Variants in INVS observed in about 807,000 individuals in gnomAD.
The protein encoded by INVS is inversion of embryo turning homolog.
INVS carries 86 observed loss-of-function variants against 108.8 expected under a neutral mutation model. The ratio of observed to expected loss-of-function variants is 0.79; its 90% CI spans 0.66 to 0.95. INVS has a LOEUF of 0.95. INVS is among the 40% of genes least tolerant of loss of function. The pLI is 0.00. For missense variants in INVS, 1,169 were observed against 1,297.4 expected, an observed-to-expected ratio of 0.90 and a Z score of 1.52; for synonymous variants, 455 against 473.5, an observed-to-expected ratio of 0.96 and a Z score of 0.51.
chr9:100,189,272 G>T (rs1208657621), intron 3 of INVS, among the ~76,000 whole-genome samples: 7 of 151,320 alleles, frequency 4.6e-5, no homozygotes, highest in African/African-American at 1.7e-4. Flanking sequence ...CTTTTCTTTT[G>T]CTAGTTTGGG....
At chr9:100,131,354 T>C (rs1441731065) in intron 3 of INVS, among the ~76,000 whole-genome samples, 1 of 152,224 alleles carries the variant, frequency 6.6e-6, no homozygotes, top group Non-Finnish European at 1.5e-5. Flanking sequence ...AAAAACTTAT[T>C]GAACTGTGCT....
Position 100,279,159 on chromosome 9 carries a change from T to C in INVS, c.1785-5161T>C, listed in dbSNP as rs149068526. ...ATACCCGTAAGAAATGGAAGCCGGA[T>C]TGAATAATGTGGATTTTAGATATTA... On this transcript the variant is annotated intron_variant, in intron 12 of 16. Transcript: ENST00000262457. Among the ~76,000 whole-genome samples the C allele has an allele frequency of 1.7e-3, 252 of 152,280 alleles. 1 individual carries two copies. Among genetic ancestry groups the C allele is most frequent in the African/African-American group, 5.9e-3 (246 of 41,552 alleles).
At chr9:100,132,053 A>C (rs1481675124) in intron 3 of INVS, 2 of 177,534 alleles carry the variant, frequency 1.1e-5, no homozygotes, top group African/African-American at 4.8e-5. Flanking sequence ...CCCTCAGTAC[A>C]TATATAGCTC....
At chr9:100,134,512 A>G (rs188137972) in intron 3 of INVS, among the ~76,000 whole-genome samples, 1 of 152,246 alleles carries the variant, frequency 6.6e-6, no homozygotes, top group Admixed American at 6.5e-5. Context: ...TCCTTAAGGA[A>G]TCTCCACACT....
intron 3 of INVS, among the ~76,000 whole-genome samples, chr9:100,222,447 A>G (rs553215681): frequency 3.8e-4 from 58 of 152,354 alleles, no homozygotes; most frequent in Non-Finnish European, 6.5e-4. Context: ...TGTAATACGT[A>G]AAACAAAGTA....
chr9:100,136,621 T>G (rs1486387808), intron 3 of INVS, among the ~76,000 whole-genome samples: 5 of 152,202 alleles, frequency 3.3e-5, no homozygotes, highest in Admixed American at 1.3e-4. Context: ...CTTTTAAGTC[T>G]CTTGTAATCT....
chr9:100,165,402 G>A (rs1324442855), intron 3 of INVS, among the ~76,000 whole-genome samples: 3 of 152,166 alleles, frequency 2.0e-5, no homozygotes, highest in Admixed American at 2.0e-4. Flanking sequence ...GCAAAATGCT[G>A]ATACTTTAAT....
Position 100,100,725 on chromosome 9 carries a change from C to CATATAATATATATATTATATGTACAT in INVS, c.-25+1313_-25+1338dup, listed in dbSNP as rs1564111499. ...ACATATAATATATATATTATATGTACATATAATATATATATTATATGTACA... is the reference window on the plus strand; with the variant it reads ...ACATATAATATATATATTATATGTACATATAATATATATATTATATGTACATATATAATATATATATTATATGTACA... On this transcript the variant is annotated intron_variant, in intron 1 of 16. Transcript: ENST00000262457. 3.6e-3 allele frequency among the ~76,000 whole-genome samples: 27 copies of CATATAATATATATATTATATGTACAT among 7,452 alleles called. 3 individuals carry two copies. Among genetic ancestry groups the CATATAATATATATATTATATGTACAT allele is most frequent in the South Asian group, 0.014 (2 of 142 alleles). The allele number at this position is 7,452 out of a possible 152,430, so 4.9% of individuals were successfully genotyped here.
At chr9:100,247,325 A>T (rs1411315588) in intron 8 of INVS, among the ~76,000 whole-genome samples, 2 of 151,066 alleles carry the variant, frequency 1.3e-5, no homozygotes, top group Admixed American at 6.6e-5. Flanking sequence ...TGCTTGAAAA[A>T]CTCTTACTAG....
intron 12 of INVS, among the ~76,000 whole-genome samples, chr9:100,277,322 A>G (rs887087121): frequency 2.6e-5 from 4 of 152,160 alleles, no homozygotes; most frequent in Admixed American, 6.5e-5. Flanking sequence ...TAATTAGTCA[A>G]TGCTCCCGTG....
intron 3 of INVS, among the ~76,000 whole-genome samples, chr9:100,205,570 T>C (rs577125966): frequency 1.4e-4 from 21 of 152,134 alleles, no homozygotes; most frequent in African/African-American, 4.6e-4. Context: ...TCATAGTAAA[T>C]GTCTTAGATT....
At chr9:100,136,779 C>T (rs551781488) in intron 3 of INVS, among the ~76,000 whole-genome samples, 1 of 152,166 alleles carries the variant, frequency 6.6e-6, no homozygotes, top group Non-Finnish European at 1.5e-5. Flanking sequence ...GTAGCTCACG[C>T]GTGTAATCCC....
intron 3 of INVS, among the ~76,000 whole-genome samples, chr9:100,176,562 C>T (rs1829717811): frequency 6.6e-6 from 1 of 152,020 alleles, no homozygotes; most frequent in Non-Finnish European, 1.5e-5. Flanking sequence ...CTGCAGCCTC[C>T]ACCTTCCGGG....
intron 3 of INVS, among the ~76,000 whole-genome samples, chr9:100,145,017 T>A (rs1264353460): frequency 6.6e-6 from 1 of 152,128 alleles, no homozygotes; most frequent in African/African-American, 2.4e-5. Flanking sequence ...AAAGTGCCGT[T>A]TTCTGTCTAT....
At chr9:100,186,099 C>T (rs945028558) in intron 3 of INVS, among the ~76,000 whole-genome samples, 1 of 152,064 alleles carries the variant, frequency 6.6e-6, no homozygotes, top group Non-Finnish European at 1.5e-5. Flanking sequence ...AATGGTAGAT[C>T]TACTTTTAGT....
At chr9:100,180,387 C>T (rs886072017) in intron 3 of INVS, among the ~76,000 whole-genome samples, 1 of 150,360 alleles carries the variant, frequency 6.7e-6, no homozygotes, top group Non-Finnish European at 1.5e-5. Context: ...ACCACCCAGA[C>T]TAATAAAGAA....
At chr9:100,192,526 T>A (rs1426722220) in intron 3 of INVS, among the ~76,000 whole-genome samples, 1 of 152,212 alleles carries the variant, frequency 6.6e-6, no homozygotes, top group Non-Finnish European at 1.5e-5. Context: ...TTAACACTCT[T>A]GTACAAGTCT....
rs187927206 is a variant in INVS, at chr9:100,272,864, A to G, written c.1572A>G (p.Arg524=). The part of the protein sequence containing the change: ...FPNQMENNEE[R]YTPLDYALLG... ...AAAAGAAATCTTCCTCCCACTTCAG[A>G]TACACACCCCTTGATTATGCTTTGC... The change falls in exon 12 of 17, where the codon AGA becomes AGG. Residue 524 remains arginine, a splice_region_variant and synonymous_variant. Coordinates refer to ENST00000262457, the MANE Select transcript of INVS (RefSeq NM_014425.5). The G allele has an allele frequency of 1.9e-5, 31 of 1,613,460 alleles. No homozygotes were observed. In the Admixed American group the frequency reaches 4.8e-4, roughly 25 times the overall value.
chr9:100,259,805 C>T (rs1445644243), intron 10 of INVS, among the ~76,000 whole-genome samples: 1 of 152,028 alleles, frequency 6.6e-6, no homozygotes, highest in African/African-American at 2.4e-5. Flanking sequence ...CCGCCTCGGC[C>T]TCCCTAAGTG....
Sources: allele counts gnomAD v4.1 joint callset (sites outside exome capture counted in the v4.1 genomes callset), GRCh38; gene constraint gnomAD v4.1.1; transcripts MANE v1.5; gene names NCBI Gene and HGNC (gene_info 2026-07-23, HGNC 2026-07-21).